Variants in DEK observed in about 807,000 individuals in gnomAD.
DEK encodes DEK proto-oncogene, also known as protein DEK.
Under a neutral mutation model 46.8 loss-of-function variants are expected in DEK, and 28 were observed. The ratio of observed to expected loss-of-function variants is 0.60; its 90% CI spans 0.44 to 0.82. The LOEUF (loss-of-function observed/expected upper bound fraction) is 0.82, where lower values mean the gene tolerates loss of function less well. Among genes scored for constraint, DEK ranks in the 40% least tolerant of loss-of-function variants. DEK has a pLI of 0.00. For missense variants in DEK, 416 were observed against 430.6 expected (o/e 0.97, Z 0.30); for synonymous variants, 160 against 144.5 (o/e 1.11, Z -0.77).
At chr6:18,249,878 A>G (rs770107817) in intron 6 of DEK, 39 bp from the exon 7 acceptor site, 1 of 1,533,928 alleles carries the variant, frequency 6.5e-7, no homozygotes, top group Admixed American at 2.3e-5. Context: ...AATGAGGTAT[A>G]ATATTTCAAT....
intron 7 of DEK, 77 bp from the exon 8 acceptor site, chr6:18,237,593 T>C: frequency 1.3e-6 from 2 of 1,488,288 alleles, no homozygotes; most frequent in Non-Finnish European, 1.8e-6. Flanking sequence ...ACTTCCCCTA[T>C]GCCCCTTAAT....
chr6:18,237,029 C>A (rs919687039), intron 8 of DEK: 1 of 199,598 alleles, frequency 5.0e-6, no homozygotes, highest in Non-Finnish European at 9.9e-6. Flanking sequence ...CAGTTCAAGG[C>A]TACAGTGAGC....
chr6:18,246,872 T>A (rs1225121338), intron 7 of DEK, among the ~76,000 whole-genome samples: 1 of 152,242 alleles, frequency 6.6e-6, no homozygotes, highest in African/African-American at 2.4e-5. Flanking sequence ...AACAAGAAGC[T>A]GATCTTAATG....
rs950570222 is a variant in DEK at position 18,257,960 on chromosome 6, G to A, written c.350C>T (p.Pro117Leu). 1.2e-6 allele frequency: 2 copies of A among 1,603,034 alleles called. No individual in the cohort carries two copies. Among genetic ancestry groups the A allele is most frequent in the East Asian group, 2.2e-5 (1 of 44,778 alleles). ...AGTGTAAAAAGGTCTTACAGTGCCT[G>A]GCCTGTTGTAAAGCAGTTTGTGTAG... ...RNLHKLLYNRPGTVSSLKKNV... is the reference protein window; with the variant it reads ...RNLHKLLYNRLGTVSSLKKNV... Residue 117 changes from proline to leucine, a missense_variant, in exon 4 of 11, where the codon CCA becomes CTA. Physicochemically the swap from Pro to Leu is moderately conservative, Grantham distance 98 (BLOSUM62 -3). Coordinates refer to ENST00000652689, the MANE Select transcript of DEK (RefSeq NM_003472.4).
At chr6:18,237,255 G>C in intron 8 of DEK, 126 bp downstream of exon 8, 1 of 1,137,998 alleles carries the variant, frequency 8.8e-7, no homozygotes, top group Non-Finnish European at 1.2e-6. Context: ...TATTCAACCT[G>C]TATTACTTCT....
At chr6:18,259,413 A>AT (rs1375333120) in intron 2 of DEK, among the ~76,000 whole-genome samples, 6 of 112,856 alleles carry the variant, frequency 5.3e-5, no homozygotes, top group Non-Finnish European at 1.0e-4. Flanking sequence ...AAAAAAAAAA[A>AT]AAAAAAAAAA....
rs373761023 is a variant in DEK at position 18,237,565 on chromosome 6, A to T, written c.763-49T>A. ...ACACATATTGATGAGATTCAATGCT[A>T]TCCCATCCCATCCCTCTACTTCCCC... On this transcript the variant is annotated intron_variant, in intron 7 of 10. Transcript: ENST00000652689. 4 of 1,545,254 alleles carry T rather than the reference A, an allele frequency of 2.6e-6. No homozygotes were observed. In the African/African-American group the frequency reaches 5.6e-5, roughly 22 times the overall value.
intron 6 of DEK, among the ~76,000 whole-genome samples, chr6:18,251,923 A>C (rs1791392536): frequency 6.6e-6 from 1 of 152,156 alleles, no homozygotes; most frequent in Non-Finnish European, 1.5e-5. Context: ...CAGCCAATAA[A>C]AAAAAAAATG....
At chr6:18,256,144 C>G (rs1364142965) in intron 5 of DEK, among the ~76,000 whole-genome samples, 4 of 152,106 alleles carry the variant, frequency 2.6e-5, no homozygotes, top group South Asian at 2.1e-4. Context: ...TGCGCCACCA[C>G]AGCCGGCTAA....
In DEK at chr6:18,226,981, TTAA is replaced by T. The variant is rs765306979; in HGVS notation, c.1048-742_1048-740del. 3.1e-3 allele frequency among the ~76,000 whole-genome samples: 471 copies of T among 152,264 alleles called. 5 individuals are homozygous for T. Among genetic ancestry groups the T allele is most frequent in the Non-Finnish European group, 1.6e-3 (112 of 68,016 alleles). On this transcript the variant is annotated intron_variant, in intron 9 of 10. Coordinates refer to ENST00000652689, the MANE Select transcript of DEK (RefSeq NM_003472.4). Reference sequence around the variant, plus strand: ...CAGATGCTTGAAGGCAGCATGCTCGTTAACAGTCATCACCACTCCCTAATCTCA... The same window carrying T: ...CAGATGCTTGAAGGCAGCATGCTCGTCAGTCATCACCACTCCCTAATCTCA...
chr6:18,255,146 C>A (rs751674610), intron 6 of DEK, among the ~76,000 whole-genome samples: 1 of 152,190 alleles, frequency 6.6e-6, no homozygotes, highest in Non-Finnish European at 1.5e-5. Context: ...CTATGTCATT[C>A]GTTACCATTA....
intron 6 of DEK, among the ~76,000 whole-genome samples, chr6:18,254,938 G>A (rs1791541199): frequency 6.6e-6 from 1 of 152,120 alleles, no homozygotes; most frequent in Admixed American, 6.6e-5. Context: ...CGAAAACGAA[G>A]TCCTAGAGCT....
chr6:18,251,380 T>C (rs938387999), intron 6 of DEK, among the ~76,000 whole-genome samples: 2 of 152,066 alleles, frequency 1.3e-5, no homozygotes, highest in Non-Finnish European at 2.9e-5. Flanking sequence ...AGTCTAGGGG[T>C]CACTGTCACC....
intron 7 of DEK, among the ~76,000 whole-genome samples, chr6:18,237,752 A>T (rs1790721824): frequency 6.6e-6 from 1 of 152,056 alleles, no homozygotes; most frequent in Non-Finnish European, 1.5e-5. Context: ...TTTATTCAAC[A>T]CTATGGATAA....
chr6:18,264,397 C>A lies in DEK; in HGVS notation c.-22G>T. ...AAGCAGCCCTTACCGCGGATTTCGG[C>A]CGCCGCGGGCCTGGCACGCGAGGGC... On this transcript the variant is annotated 5_prime_UTR_variant, in exon 1 of 11. Transcript: ENST00000652689. 4.4e-6 allele frequency: 1 copy of A among 228,696 alleles called. No individual in the cohort carries two copies. The highest frequency in any genetic ancestry group is 8.9e-6 in the Non-Finnish European group (1 of 111,906). The allele number at this position is 228,696 out of a possible 1,614,324, so 14.2% of individuals were successfully genotyped here. A position where few individuals can be genotyped will look rare whatever the true frequency, so the allele number is the denominator to read the frequency against.
intron 6 of DEK, among the ~76,000 whole-genome samples, chr6:18,251,487 C>T (rs1219852350): frequency 6.6e-6 from 1 of 152,170 alleles, no homozygotes; most frequent in East Asian, 1.9e-4. Flanking sequence ...GCTCCAACAA[C>T]GTACCCTTCT....
chr6:18,256,491 C>A, intron 4 of DEK, 36 bp from the exon 5 acceptor site: 1 of 1,526,764 alleles, frequency 6.5e-7, no homozygotes, highest in Non-Finnish European at 9.0e-7. Context: ...GTATTTATTA[C>A]CCAGTAATGT....
chr6:18,229,734 G>C (rs1227883816), intron 9 of DEK, among the ~76,000 whole-genome samples: 2 of 152,196 alleles, frequency 1.3e-5, no homozygotes, highest in Non-Finnish European at 2.9e-5. Flanking sequence ...TATGTGAAAA[G>C]ACCAAATCTA....
At position 18,249,826 on chromosome 6, in the gene DEK, G is replaced by A. The variant is rs1690559361; in HGVS notation, c.587C>T (p.Ser196Phe). ...ACTGCCTTTGCTACAAGTTTTTTTA[G>A]ATTTCGGCAATGGCTGCATAAAAAT... is the stretch of plus-strand genomic sequence containing the variant. Reference protein sequence around the residue: ...PKPSGKPLPKSKKTCSKGSKK... With the variant: ...PKPSGKPLPKFKKTCSKGSKK... The change falls in exon 7 of 11, where the codon TCT (serine) becomes TTT (phenylalanine). Residue 196 changes from serine to phenylalanine, a missense_variant. Coordinates refer to ENST00000652689, the MANE Select transcript of DEK (RefSeq NM_003472.4). 6.3e-7 allele frequency: 1 copy of A among 1,593,638 alleles called. No homozygotes were observed.
Sources: allele counts gnomAD v4.1 joint callset (sites outside exome capture counted in the v4.1 genomes callset), GRCh38; gene constraint gnomAD v4.1.1; transcripts MANE v1.5; gene names NCBI Gene and HGNC (gene_info 2026-07-23, HGNC 2026-07-21).